Variants in ZNF532 observed in about 807,000 individuals in gnomAD.
The protein encoded by ZNF532 is zinc finger protein 532.
Under a neutral mutation model 89.3 loss-of-function variants are expected in ZNF532, and 22 were observed. The observed-to-expected ratio is 0.25, with a 90% CI of 0.18 to 0.35. The LOEUF is 0.35. Ranked by LOEUF, ZNF532 falls within the 10% of genes least tolerant of loss-of-function variation. The probability of loss-of-function intolerance (pLI) is 1.00; values close to 1 mark genes in which losing one functional copy is unlikely to be tolerated. For synonymous variants in ZNF532, 606 were observed against 649.6 expected (o/e 0.93, Z 1.02); for missense variants, 1,132 against 1,643.4 (o/e 0.69, Z 5.38).
At position 58,918,375 on chromosome 18, in the gene ZNF532, A is replaced by G. The variant is rs1360746834; in HGVS notation, c.88A>G (p.Ile30Val). The change falls in exon 3 of 10, where the codon ATT becomes GTT. Residue 30 changes from isoleucine to valine, a missense_variant. Around this residue, in one of 9 missense-constraint regions of ZNF532, gnomAD observed 15 missense variants for 43.6 expected, o/e 0.34. Coordinates refer to ENST00000591808, the MANE Select transcript of ZNF532 (RefSeq NM_001375912.1). ...AGATATGGTCGATCCTAAAGCAGCT[A>G]TTGAGTCTGGACACGATGACCATGA... ...IPDMVDPKAA[I>V]ESGHDDHESH... 3 of 1,614,068 alleles carry G rather than the reference A, an allele frequency of 1.9e-6. No individual in the cohort carries two copies. The highest frequency in any genetic ancestry group is 2.7e-5 in the African/African-American group (2 of 74,924).
At chr18:58,944,588 G>C (rs1298546309) in intron 5 of ZNF532, among the ~76,000 whole-genome samples, 2 of 152,202 alleles carry the variant, frequency 1.3e-5, no homozygotes, top group African/African-American at 4.8e-5. Context: ...CCCTGCCTTT[G>C]TGCAGAGTGG....
intron 5 of ZNF532, among the ~76,000 whole-genome samples, chr18:58,940,912 A>G (rs988979346): frequency 2.3e-5 from 3 of 132,100 alleles, no homozygotes; most frequent in Admixed American, 1.6e-4. Flanking sequence ...ATACACAGCT[A>G]TGCCATATTT....
chr18:58,921,971 G>C (rs554069772), intron 3 of ZNF532, among the ~76,000 whole-genome samples: 35 of 152,216 alleles, frequency 2.3e-4, no homozygotes, highest in African/African-American at 8.2e-4. Flanking sequence ...GCCGGGCTTG[G>C]TGGTGCATGC....
intron 3 of ZNF532, among the ~76,000 whole-genome samples, chr18:58,928,112 TTA>T (rs1473311320): frequency 6.6e-6 from 1 of 152,204 alleles, no homozygotes; most frequent in Non-Finnish European, 1.5e-5. Flanking sequence ...TGACCTCTGT[TTA>T]TGTTTTGAAC....
intron 5 of ZNF532, among the ~76,000 whole-genome samples, chr18:58,940,662 C>T (rs2146644769): frequency 6.6e-6 from 1 of 152,236 alleles, no homozygotes; most frequent in Non-Finnish European, 1.5e-5. Flanking sequence ...AAATGTGTAG[C>T]ACAACAGTGC....
chr18:58,971,144 T>A (rs1441546027), intron 7 of ZNF532, among the ~76,000 whole-genome samples: 1 of 152,212 alleles, frequency 6.6e-6, no homozygotes, highest in Non-Finnish European at 1.5e-5. Flanking sequence ...TGGTTTTGTT[T>A]TTGTTGTTTT....
At chr18:58,969,523 G>A (rs2066256683) in intron 7 of ZNF532, among the ~76,000 whole-genome samples, 4 of 152,160 alleles carry the variant, frequency 2.6e-5, no homozygotes, top group Admixed American at 1.3e-4. Flanking sequence ...GGGGTCACTT[G>A]TGCACTGCCC....
intron 2 of ZNF532, among the ~76,000 whole-genome samples, chr18:58,911,018 A>C (rs1272709123): frequency 6.6e-6 from 1 of 152,080 alleles, no homozygotes; most frequent in Non-Finnish European, 1.5e-5. Context: ...TGTTGGAATC[A>C]CAGTCATGAG....
At chr18:58,963,559 A>C (rs184243981) in intron 7 of ZNF532, among the ~76,000 whole-genome samples, 363 of 151,694 alleles carry the variant, frequency 2.4e-3, no homozygotes, top group Middle Eastern at 6.8e-3. Flanking sequence ...TTGACTGAGG[A>C]GCTTTACAGA....
intron 9 of ZNF532, among the ~76,000 whole-genome samples, chr18:58,982,402 C>G (rs1051658135): frequency 2.0e-5 from 3 of 151,888 alleles, no homozygotes; most frequent in Admixed American, 6.6e-5. Context: ...GGGCAGATCA[C>G]TTGAGGCTAG....
intron 2 of ZNF532, among the ~76,000 whole-genome samples, chr18:58,897,015 G>T (rs2059294813): frequency 6.6e-6 from 1 of 152,208 alleles, no homozygotes; most frequent in Admixed American, 6.5e-5. Context: ...CTGGGGTCTA[G>T]TCTTAGGTTG....
At position 58,948,211 on chromosome 18, in the gene ZNF532, T is replaced by A; in HGVS notation, c.2850T>A (p.Leu950=). 6.2e-7 allele frequency: 1 copy of A among 1,612,452 alleles called. No individual in the cohort carries two copies. The highest frequency in any genetic ancestry group is 8.5e-7 in the Non-Finnish European group (1 of 1,179,348). ...CTCTTTTATATGCACAGAAGCAACT[T>A]ATGATGGACCATATCAAGGTGTGTG... The part of the protein sequence containing the change: ...DCSLLYAQKQ[L]MMDHIKSMHG... The change falls in exon 6 of 10, where the codon CTT becomes CTA. Residue 950 remains leucine (L), a synonymous_variant. Transcript: ENST00000591808.
chr18:58,875,072 A>G (rs1233711954), intron 2 of ZNF532, among the ~76,000 whole-genome samples: 2 of 151,854 alleles, frequency 1.3e-5, no homozygotes, highest in Non-Finnish European at 2.9e-5. Flanking sequence ...AGATGTAATG[A>G]AAAAAAACAG....
chr18:58,888,841 TTATATATATATAATTTATATATATATAA>T (rs2058623272), intron 2 of ZNF532, among the ~76,000 whole-genome samples: 1 of 38,830 alleles, frequency 2.6e-5, no homozygotes, highest in Non-Finnish European at 4.0e-5. Context: ...TATATATAAT[TTATATATATATAATTTATATATATATAA>T]TATATATTAT....
At position 58,880,763 on chromosome 18, in the gene ZNF532, C is replaced by CGTGTGTGT. The variant is rs1555704697; in HGVS notation, c.-18+15185_-18+15186insTGTGTGTG. On this transcript the variant is annotated intron_variant, in intron 2 of 9. Coordinates refer to ENST00000591808, the MANE Select transcript of ZNF532 (RefSeq NM_001375912.1). ...GAGCCCTCTCATAGGCGCGCGCGCA[C>CGTGTGTGT]GCGCGCGCGTCTGTGTGTGTGTGTG... 1.3e-4 allele frequency among the ~76,000 whole-genome samples: 16 copies of CGTGTGTGT among 119,690 alleles called. No individual in the cohort carries two copies. The East Asian group carries it at 1.8e-3, about 14-fold the overall frequency. The allele number at this position is 119,690 out of a possible 152,430, so 78.5% of individuals were successfully genotyped here. A position where few individuals can be genotyped will look rare whatever the true frequency, so the allele number is the denominator to read the frequency against.
At chr18:58,972,351 C>G (rs1490165819) in intron 7 of ZNF532, among the ~76,000 whole-genome samples, 1 of 152,120 alleles carries the variant, frequency 6.6e-6, no homozygotes, top group Non-Finnish European at 1.5e-5. Context: ...AGTGGGAAGG[C>G]TGTGTCATTA....
At chr18:58,927,920 T>A (rs1428601547) in intron 3 of ZNF532, among the ~76,000 whole-genome samples, 3 of 152,222 alleles carry the variant, frequency 2.0e-5, no homozygotes, top group Non-Finnish European at 4.4e-5. Context: ...TAAACTTCCT[T>A]TCTTAGCCCC....
At chr18:58,878,898 C>A (rs1306188125) in intron 2 of ZNF532, among the ~76,000 whole-genome samples, 1 of 152,208 alleles carries the variant, frequency 6.6e-6, no homozygotes, top group Non-Finnish European at 1.5e-5. Flanking sequence ...TTTTGCTTCC[C>A]CCTTAGTAGA....
chr18:58,952,399 T>G (rs2064299889), intron 6 of ZNF532, among the ~76,000 whole-genome samples: 1 of 152,182 alleles, frequency 6.6e-6, no homozygotes, highest in Admixed American at 6.5e-5. Flanking sequence ...CCACCCTCTT[T>G]TTTTGTTTTT....
Sources: allele counts gnomAD v4.1 joint callset (sites outside exome capture counted in the v4.1 genomes callset), GRCh38; gene constraint gnomAD v4.1.1; regional missense constraint gnomAD v4.1.1; transcripts MANE v1.5; gene names NCBI Gene and HGNC (gene_info 2026-07-23, HGNC 2026-07-21).